PDCD10: variants seen among roughly 807,000 people sequenced by gnomAD.
The protein encoded by PDCD10 is programmed cell death protein 10.
PDCD10 carries 4 observed loss-of-function variants against 29.2 expected under a neutral mutation model. The ratio of observed to expected loss-of-function variants is 0.14; its 90% CI spans 0.07 to 0.31. The LOEUF is 0.31. Ranked by LOEUF, PDCD10 falls within the 10% of genes least tolerant of loss-of-function variation. PDCD10 has a pLI of 1.00. For missense variants in PDCD10, 183 were observed against 257.9 expected, an observed-to-expected ratio of 0.71 and a Z score of 1.99; for synonymous variants, 70 against 82.2, an observed-to-expected ratio of 0.85 and a Z score of 0.80.
At chr3:167,722,729 A>G (rs1723707679) in intron 2 of PDCD10, among the ~76,000 whole-genome samples, 1 of 152,202 alleles carries the variant, frequency 6.6e-6, no homozygotes, top group African/African-American at 2.4e-5. Context: ...ACATACGCAT[A>G]TAACTGCAGA....
chr3:167,722,062 T>TA (rs749420441), intron 2 of PDCD10, among the ~76,000 whole-genome samples: 12 of 151,496 alleles, frequency 7.9e-5, no homozygotes, highest in South Asian at 2.1e-4. Context: ...AACTTCATAA[T>TA]AAAAAAAACC....
chr3:167,722,526 T>G (rs1003883769), intron 2 of PDCD10, among the ~76,000 whole-genome samples: 4 of 152,132 alleles, frequency 2.6e-5, no homozygotes, highest in Admixed American at 6.6e-5. Context: ...TTTTAAAAAA[T>G]TATTTGATTT....
At chr3:167,704,774 C>A in intron 4 of PDCD10, 68 bp downstream of exon 4, 1 of 1,067,140 alleles carries the variant, frequency 9.4e-7, no homozygotes, top group Non-Finnish European at 1.5e-6. Flanking sequence ...AACTGGCAAC[C>A]ATCACATGTA....
rs1238756442 is a variant in PDCD10 at position 167,684,226 on chromosome 3, T to C, written c.*82A>G. 5.0e-6 allele frequency: 4 copies of C among 804,580 alleles called. No homozygotes were observed. The highest frequency in any genetic ancestry group is 4.9e-5 in the East Asian group (2 of 40,678). The allele number at this position is 804,580 out of a possible 1,614,324, so 49.8% of individuals were successfully genotyped here. A position where few individuals can be genotyped will look rare whatever the true frequency, so the allele number is the denominator to read the frequency against. ...ATCCCTTCAGGAGGGACTGATAATTTATACAGTCAAACTTTAAAATTTACA... is the reference window on the plus strand; with the variant it reads ...ATCCCTTCAGGAGGGACTGATAATTCATACAGTCAAACTTTAAAATTTACA... On this transcript the variant is annotated 3_prime_UTR_variant, in exon 9 of 9. Transcript: ENST00000392750.
intron 3 of PDCD10, among the ~76,000 whole-genome samples, chr3:167,717,427 A>G (rs1260275625): frequency 2.0e-5 from 3 of 152,076 alleles, no homozygotes; most frequent in Non-Finnish European, 4.4e-5. Context: ...CATCCTTACT[A>G]TGGTACAATT....
At chr3:167,708,268 TAA>T (rs763619506) in intron 3 of PDCD10, among the ~76,000 whole-genome samples, 10 of 138,238 alleles carry the variant, frequency 7.2e-5, no homozygotes, top group Admixed American at 7.2e-5. Flanking sequence ...AAACCATAAT[TAA>T]AAAAAAAAAA....
intron 3 of PDCD10, among the ~76,000 whole-genome samples, chr3:167,715,974 T>C (rs1722966212): frequency 2.0e-5 from 3 of 152,084 alleles, no homozygotes; most frequent in African/African-American, 2.4e-5. Flanking sequence ...TACACTTCCA[T>C]GTTTGCTGCA....
At chr3:167,701,095 G>C (rs1230654043) in intron 4 of PDCD10, among the ~76,000 whole-genome samples, 1 of 152,076 alleles carries the variant, frequency 6.6e-6, no homozygotes, top group African/African-American at 2.4e-5. Flanking sequence ...AAAAACACCA[G>C]CTTCCAGTCT....
rs1016733246 is a variant in PDCD10, at chr3:167,683,387, G to C, written c.*921C>G. ...ATAATTTCCTTAAAACTTCTCTATG[G>C]TGAAATAAAACTGTACCTAGTTGAA... is the stretch of plus-strand genomic sequence containing the variant. On this transcript the variant is annotated 3_prime_UTR_variant, in exon 9 of 9. Transcript: ENST00000392750. The C allele has an allele frequency of 2.0e-5, 3 of 151,778 alleles. No homozygotes were observed. The highest frequency in any genetic ancestry group is 4.4e-5 in the Non-Finnish European group (3 of 67,902). The allele number at this position is 151,778 out of a possible 1,614,324, so 9.4% of individuals were successfully genotyped here. A position where few individuals can be genotyped will look rare whatever the true frequency, so the allele number is the denominator to read the frequency against.
In PDCD10 at chr3:167,683,838, T is replaced by C. The variant is rs1010487733; in HGVS notation, c.*470A>G. ...TACACCAAGTTGTCTTGGTCTTCTG[T>C]TCATATATATATATATATATATATA... On this transcript the variant is annotated 3_prime_UTR_variant, in exon 9 of 9. Transcript: ENST00000392750. 1.6e-5 allele frequency: 2 copies of C among 127,278 alleles called. No individual in the cohort carries two copies. Among genetic ancestry groups the C allele is most frequent in the African/African-American group, 6.8e-5 (2 of 29,270 alleles). 7.9% of individuals were successfully genotyped at this position (127,278 alleles called of 1,614,324 possible).
chr3:167,726,406 T>C (rs1724185185), intron 2 of PDCD10, among the ~76,000 whole-genome samples: 1 of 152,096 alleles, frequency 6.6e-6, no homozygotes, highest in African/African-American at 2.4e-5. Context: ...GCCAGAGTAC[T>C]GTTTCTTAAT....
intron 4 of PDCD10, among the ~76,000 whole-genome samples, chr3:167,703,198 T>A (rs920740743): frequency 1.3e-5 from 2 of 152,102 alleles, no homozygotes; most frequent in African/African-American, 4.8e-5. Flanking sequence ...ACAAAGATGC[T>A]TAAGATAGCA....
At chr3:167,698,072 G>A (rs1185019069) in intron 4 of PDCD10, 4 of 442,332 alleles carry the variant, frequency 9.0e-6, no homozygotes, top group Admixed American at 2.4e-5. Flanking sequence ...CTTAACCTCC[G>A]CCTCTTCAAT....
intron 6 of PDCD10, among the ~76,000 whole-genome samples, chr3:167,692,410 CAT>C (rs1720345207): frequency 6.6e-6 from 1 of 152,198 alleles, no homozygotes; most frequent in Non-Finnish European, 1.5e-5. Flanking sequence ...CCATCCATCA[CAT>C]GAGGTCAGAC....
intron 3 of PDCD10, among the ~76,000 whole-genome samples, chr3:167,705,272 TA>T (rs1213658308): frequency 1.3e-5 from 2 of 152,130 alleles, no homozygotes; most frequent in Non-Finnish European, 2.9e-5. Flanking sequence ...CTGCCAGGCT[TA>T]AAAAACCTAG....
chr3:167,692,979 A>G (rs561640057), intron 6 of PDCD10, among the ~76,000 whole-genome samples: 18 of 152,346 alleles, frequency 1.2e-4, no homozygotes, highest in African/African-American at 4.3e-4. Context: ...CTTGTGACAC[A>G]GATTTTGGCT....
intron 8 of PDCD10, among the ~76,000 whole-genome samples, chr3:167,685,983 A>G (rs969269069): frequency 1.3e-5 from 2 of 152,314 alleles, no homozygotes; most frequent in Middle Eastern, 3.4e-3. Context: ...CTGAAAATTA[A>G]CATAATTCTA....
chr3:167,718,082 G>C (rs1426902755), intron 3 of PDCD10, among the ~76,000 whole-genome samples: 1 of 152,006 alleles, frequency 6.6e-6, no homozygotes, highest in Non-Finnish European at 1.5e-5. Flanking sequence ...GTCTCTGGGT[G>C]GAATTGTGAT....
intron 4 of PDCD10, among the ~76,000 whole-genome samples, chr3:167,702,970 T>C (rs1244952479): frequency 2.6e-5 from 4 of 152,174 alleles, no homozygotes; most frequent in African/African-American, 4.8e-5. Context: ...GGTCACATAA[T>C]TGTACTTAAG....
Sources: gnomAD v4.1 joint callset for allele counts (sites outside exome capture counted in the v4.1 genomes callset) on GRCh38, gnomAD v4.1.1 for gene constraint, MANE v1.5 for transcripts, NCBI Gene and HGNC (gene_info 2026-07-23, HGNC 2026-07-21) for gene names.